The following SYN3 variants were observed in gnomAD, a reference collection of about 807,000 sequenced individuals.
SYN3 encodes the protein synapsin III.
A neutral mutation model predicts 65.8 loss-of-function variants in SYN3; 35 were observed. That is an observed-to-expected ratio of 0.53 (90% confidence interval 0.41 to 0.70). SYN3 has a LOEUF of 0.70. Among genes scored for constraint, SYN3 ranks in the 30% least tolerant of loss-of-function variants. SYN3 has a pLI of 0.00. For synonymous variants in SYN3, 270 were observed against 292.9 expected, an observed-to-expected ratio of 0.92 and a Z score of 0.80; for missense variants, 680 against 749.0, an observed-to-expected ratio of 0.91 and a Z score of 1.08.
chr22:33,033,696 T>G (rs1483908263), intron 1 of SYN3, among the ~76,000 whole-genome samples: 8 of 152,078 alleles, frequency 5.3e-5, no homozygotes, highest in Non-Finnish European at 1.2e-4. Context: ...AGAAACAGTT[T>G]CTGGGAGAGA....
In SYN3 at chr22:32,770,823, G is replaced by A. The variant is rs542637849; in HGVS notation, c.711+94092C>T. Among the ~76,000 whole-genome samples the A allele has an allele frequency of 4.0e-5, 5 of 126,396 alleles. No individual in the cohort carries two copies. The South Asian group carries it at 7.1e-4, about 18-fold the overall frequency. 82.9% of individuals were successfully genotyped at this position (126,396 alleles called of 152,430 possible). ...GCTGGGAGGATTAAATGGATTACTC[G>A]ATATGTAGCACACGGAAGAGTGCCT... On this transcript the variant is annotated intron_variant, in intron 6 of 13. Coordinates refer to ENST00000358763, the MANE Select transcript of SYN3 (RefSeq NM_003490.4).
chr22:32,962,654 T>A (rs1330716798), intron 3 of SYN3, among the ~76,000 whole-genome samples: 1 of 152,138 alleles, frequency 6.6e-6, no homozygotes, highest in African/African-American at 2.4e-5. Flanking sequence ...AGACAGGAGT[T>A]CAAATCCTGG....
At chr22:33,004,311 A>C (rs2053143678) in intron 2 of SYN3, among the ~76,000 whole-genome samples, 1 of 152,236 alleles carries the variant, frequency 6.6e-6, no homozygotes, top group Non-Finnish European at 1.5e-5. Context: ...AGCCTGGAAA[A>C]GACACAACGC....
intron 6 of SYN3, among the ~76,000 whole-genome samples, chr22:32,735,072 A>C (rs1465253332): frequency 6.6e-6 from 1 of 152,300 alleles, no homozygotes; most frequent in East Asian, 1.9e-4. Flanking sequence ...GTTACACTCC[A>C]TCTGCCTCCA....
chr22:32,765,429 G>A (rs1011686928), intron 6 of SYN3, among the ~76,000 whole-genome samples: 1 of 152,134 alleles, frequency 6.6e-6, no homozygotes. Context: ...CCTGTATGCT[G>A]TCATTTTCCT....
intron 1 of SYN3, among the ~76,000 whole-genome samples, chr22:33,033,852 A>G (rs2053800789): frequency 6.6e-6 from 1 of 152,152 alleles, no homozygotes; most frequent in Non-Finnish European, 1.5e-5. Flanking sequence ...GGCCAAAGCC[A>G]CAACACAGGT....
At chr22:33,041,508 A>G (rs1464135585) in intron 1 of SYN3, among the ~76,000 whole-genome samples, 1 of 151,704 alleles carries the variant, frequency 6.6e-6, no homozygotes, top group Admixed American at 6.6e-5. Flanking sequence ...CGTGTTAGCC[A>G]GGATGAGTCT....
intron 6 of SYN3, among the ~76,000 whole-genome samples, chr22:32,721,523 A>G (rs1310495097): frequency 6.6e-6 from 1 of 152,190 alleles, no homozygotes; most frequent in Non-Finnish European, 1.5e-5. Context: ...GATACAACCC[A>G]TTTCATTCTC....
intron 5 of SYN3, 54 bp from the exon 6 acceptor site, chr22:32,865,058 A>C: frequency 1.4e-6 from 2 of 1,442,322 alleles, no homozygotes; most frequent in Non-Finnish European, 2.0e-6. Flanking sequence ...AGTATAACAA[A>C]ACCTCCCACT....
chr22:33,008,357 G>T (rs1476531510), intron 1 of SYN3, among the ~76,000 whole-genome samples: 1 of 152,134 alleles, frequency 6.6e-6, no homozygotes, highest in Admixed American at 6.5e-5. Context: ...CTACACCTCA[G>T]AAAGTTCTTT....
At chr22:32,543,567 A>G (rs772002683) in intron 7 of SYN3, among the ~76,000 whole-genome samples, 2 of 152,094 alleles carry the variant, frequency 1.3e-5, no homozygotes, top group Non-Finnish European at 2.9e-5. Flanking sequence ...AAACTCAGCT[A>G]CCCCACTTCT....
chr22:32,554,848 T>G (rs997303218), intron 7 of SYN3, among the ~76,000 whole-genome samples: 2 of 152,176 alleles, frequency 1.3e-5, no homozygotes, highest in Non-Finnish European at 2.9e-5. Context: ...ACTCCATCAC[T>G]TATTCGCTGC....
At chr22:32,686,333 C>A (rs1006547990) in intron 6 of SYN3, among the ~76,000 whole-genome samples, 1 of 150,966 alleles carries the variant, frequency 6.6e-6, no homozygotes, top group South Asian at 2.1e-4. Context: ...TCAACTCTGC[C>A]GACCATCGCC....
chr22:33,028,694 G>GTGGTGGTGGTGA (rs1569413506), intron 1 of SYN3, among the ~76,000 whole-genome samples: 14 of 131,218 alleles, frequency 1.1e-4, no homozygotes, highest in African/African-American at 4.1e-4. Context: ...GGTGGTGATG[G>GTGGTGGTGGTGA]TGGTGGTGGT....
chr22:32,906,463 T>C (rs1215548391), intron 4 of SYN3, among the ~76,000 whole-genome samples: 1 of 152,210 alleles, frequency 6.6e-6, no homozygotes, highest in Non-Finnish European at 1.5e-5. Context: ...TCAGTGATGC[T>C]TAACCCCAGG....
chr22:32,795,251 A>G (rs925239784), intron 6 of SYN3, among the ~76,000 whole-genome samples: 26 of 152,260 alleles, frequency 1.7e-4, no homozygotes, highest in African/African-American at 6.3e-4. Flanking sequence ...TGAAGTTGAT[A>G]GAGAAAGACT....
intron 7 of SYN3, among the ~76,000 whole-genome samples, chr22:32,569,400 AATCTATCT>A (rs60525962): frequency 0.075 from 10,794 of 143,954 alleles, 459 homozygotes; most frequent in African/African-American, 0.12. Flanking sequence ...CTCCATCCAA[AATCTATCT>A]ATCTATCTAT....
intron 2 of SYN3, among the ~76,000 whole-genome samples, chr22:33,004,881 A>G (rs899477402): frequency 6.6e-5 from 10 of 152,162 alleles, no homozygotes; most frequent in African/African-American, 2.2e-4. Context: ...CCCAAATTTC[A>G]TCTTGAATTG....
chr22:32,622,435 G>GA (rs1384368363), intron 6 of SYN3, among the ~76,000 whole-genome samples: 1 of 152,110 alleles, frequency 6.6e-6, no homozygotes, highest in Non-Finnish European at 1.5e-5. Flanking sequence ...CATTTCCATG[G>GA]AGCCTACCTT....
Sources: allele counts gnomAD v4.1 joint callset (sites outside exome capture counted in the v4.1 genomes callset), GRCh38; gene constraint gnomAD v4.1.1; transcripts MANE v1.5; gene names NCBI Gene and HGNC (gene_info 2026-07-23, HGNC 2026-07-21).